Variants in RGPD4 observed in about 807,000 individuals in gnomAD.
RGPD4 encodes RANBP2 like and GRIP domain containing 4.
A neutral mutation model predicts 141.1 loss-of-function variants in RGPD4; 84 were observed. That is an observed-to-expected ratio of 0.60 (90% CI 0.50 to 0.71). The LOEUF is 0.71. RGPD4 is among the 30% of genes least tolerant of loss of function. The pLI is 0.00. For synonymous variants in RGPD4, 298 were observed against 566.8 expected, an observed-to-expected ratio of 0.53 and a Z score of 6.74; for missense variants, 918 against 1,622.4, an observed-to-expected ratio of 0.57 and a Z score of 7.46.
intron 1 of RGPD4, among the ~76,000 whole-genome samples, chr2:107,828,800 G>A (rs1476763901): frequency 4.7e-4 from 10 of 21,124 alleles, no homozygotes; most frequent in Admixed American, 3.0e-3. Flanking sequence ...TCCCTGGCGC[G>A]CTCTGTTGAG....
intron 6 of RGPD4, among the ~76,000 whole-genome samples, chr2:107,845,854 G>A (rs1455731348): frequency 2.3e-3 from 350 of 150,648 alleles, no homozygotes; most frequent in African/African-American, 7.4e-3. Flanking sequence ...GTGAGCCACC[G>A]CGCCCAGCCC....
chr2:107,841,267 T>A (rs1341941318), intron 4 of RGPD4, among the ~76,000 whole-genome samples: 1 of 112,974 alleles, frequency 8.9e-6, no homozygotes, highest in African/African-American at 3.3e-5. Context: ...TTAGATACTT[T>A]GAAGCATTCT....
At chr2:107,849,146 CTGGGTG>C in intron 7 of RGPD4, among the ~76,000 whole-genome samples, 1 of 83,736 alleles carries the variant, frequency 1.2e-5, no homozygotes. Flanking sequence ...CCTCCACCTC[CTGGGTG>C]CAAGTGATTC....
chr2:107,846,473 C>A (rs1251365865), intron 6 of RGPD4, among the ~76,000 whole-genome samples: 1 of 148,396 alleles, frequency 6.7e-6, no homozygotes, highest in Admixed American at 6.7e-5. Flanking sequence ...ATAATTATAG[C>A]TTTTTTTTTT....
chr2:107,872,855 A>G lies in RGPD4; in HGVS notation c.4851A>G (p.Lys1617=). The change falls in exon 20 of 23, where the codon AAA becomes AAG. Residue 1617 remains lysine, a synonymous_variant. Coordinates refer to ENST00000408999, the MANE Select transcript of RGPD4 (RefSeq NM_182588.3). The part of the protein sequence containing the change: ...NSDIEQSSDS[K]VKNLSASFPM... The stretch of plus-strand genomic sequence containing the variant: ...ATATCGAACAGTCTTCAGATAGCAA[A>G]GTCAAAAATCTCTCTGCTTCCTTTC... 2 of 1,602,104 alleles carry G rather than the reference A, an allele frequency of 1.2e-6. No individual in the cohort carries two copies.
At chr2:107,844,126 G>A (rs1277068498) in intron 6 of RGPD4, among the ~76,000 whole-genome samples, 1 of 150,748 alleles carries the variant, frequency 6.6e-6, no homozygotes, top group Admixed American at 6.6e-5. Context: ...ACTAGTATAA[G>A]CACTTAGCAT....
intron 8 of RGPD4, among the ~76,000 whole-genome samples, chr2:107,856,011 C>G (rs1388525029): frequency 7.9e-6 from 1 of 127,300 alleles, no homozygotes; most frequent in Non-Finnish European, 1.6e-5. Context: ...TTACTGTAAA[C>G]CTATGGCATA....
Position 107,851,238 on chromosome 2 carries a change from G to A in RGPD4, c.978+2702G>A, listed in dbSNP as rs1044233348. On this transcript the variant is annotated intron_variant, in intron 7 of 22. Coordinates refer to ENST00000408999, the MANE Select transcript of RGPD4 (RefSeq NM_182588.3). The stretch of plus-strand genomic sequence containing the variant: ...CCTCTCCTGCTTCAGCCTCAGCTCG[G>A]TAGCTGGGACTACAGGTGCCTGCCA... Among the ~76,000 whole-genome samples the A allele has an allele frequency of 8.9e-5, 8 of 89,868 alleles. 2 individuals are homozygous for A. Among genetic ancestry groups the A allele is most frequent in the African/African-American group, 3.9e-4 (8 of 20,628 alleles). The allele number at this position is 89,868 out of a possible 152,430, so 59.0% of individuals were successfully genotyped here. A position where few individuals can be genotyped will look rare whatever the true frequency, so the allele number is the denominator to read the frequency against.
intron 9 of RGPD4, among the ~76,000 whole-genome samples, chr2:107,857,766 C>A (rs544161528): frequency 6.6e-6 from 1 of 151,562 alleles, no homozygotes; most frequent in East Asian, 2.0e-4. Context: ...CCGAGGCGGG[C>A]AGATCACCTG....
At chr2:107,846,366 G>A (rs1045745972) in intron 6 of RGPD4, among the ~76,000 whole-genome samples, 8 of 151,776 alleles carry the variant, frequency 5.3e-5, no homozygotes, top group East Asian at 3.9e-4. Context: ...GCACCCGGCC[G>A]TATGTGGGTT....
chr2:107,884,929 AT>A (rs1390361861), intron 22 of RGPD4, among the ~76,000 whole-genome samples: 3 of 151,018 alleles, frequency 2.0e-5, no homozygotes, highest in Admixed American at 1.3e-4. Context: ...TTCAGGCTTA[AT>A]TTTTTTTACA....
At chr2:107,874,464 T>C (rs1388344624) in intron 20 of RGPD4, among the ~76,000 whole-genome samples, 11 of 128,728 alleles carry the variant, frequency 8.5e-5, no homozygotes, top group Admixed American at 8.4e-4. Flanking sequence ...ATCTTAGCCA[T>C]GCCAAACAAG....
chr2:107,829,625 C>A (rs1199742410), intron 1 of RGPD4, among the ~76,000 whole-genome samples: 3 of 152,100 alleles, frequency 2.0e-5, no homozygotes, highest in Admixed American at 2.0e-4. Flanking sequence ...GTTGAGGCGC[C>A]GGCCGGCTGG....
chr2:107,826,915 C>A lies in RGPD4; in HGVS notation c.-99C>A. 1 of 1,546,092 alleles carries A rather than the reference C, an allele frequency of 6.5e-7. No homozygotes were observed. The highest frequency in any genetic ancestry group is 2.0e-5 in the Admixed American group (1 of 50,810). On this transcript the variant is annotated 5_prime_UTR_variant, in exon 1 of 23. Coordinates refer to ENST00000408999, the MANE Select transcript of RGPD4 (RefSeq NM_182588.3). ...TCACAGTGGTCCTCCGCCGGCTACG[C>A]GGAGTCAGTGGCTTTCAGGCGCTTT...
chr2:107,833,211 T>C (rs879034086), intron 1 of RGPD4, among the ~76,000 whole-genome samples: 2 of 150,332 alleles, frequency 1.3e-5, no homozygotes, highest in African/African-American at 2.5e-5. Context: ...GCAAGATGGG[T>C]GACAGAGCGA....
intron 1 of RGPD4, among the ~76,000 whole-genome samples, chr2:107,833,486 T>C (rs987767442): frequency 3.3e-5 from 5 of 149,964 alleles, no homozygotes; most frequent in African/African-American, 4.9e-5. Flanking sequence ...GAATCAGATA[T>C]TGTCCTGTTT....
At chr2:107,836,784 A>G in intron 2 of RGPD4, 115 bp downstream of exon 2, 2 of 600,384 alleles carry the variant, frequency 3.3e-6, no homozygotes, top group Non-Finnish European at 4.8e-6. Context: ...GTATTCTGGA[A>G]TAAGGGATTT....
intron 1 of RGPD4, among the ~76,000 whole-genome samples, chr2:107,829,960 C>A (rs1021888519): frequency 2.0e-5 from 3 of 152,204 alleles, no homozygotes; most frequent in African/African-American, 7.2e-5. Context: ...GACGCAGCTC[C>A]GGGTGAGCTT....
intron 1 of RGPD4, among the ~76,000 whole-genome samples, chr2:107,832,518 C>T (rs1401280589): frequency 2.4e-5 from 3 of 126,354 alleles, no homozygotes; most frequent in South Asian, 2.8e-4. Flanking sequence ...CTCAGCTCAC[C>T]ACAACCTCCG....
Sources: allele counts gnomAD v4.1 joint callset (sites outside exome capture counted in the v4.1 genomes callset), GRCh38; gene constraint gnomAD v4.1.1; transcripts MANE v1.5; gene names NCBI Gene and HGNC (gene_info 2026-07-23, HGNC 2026-07-21).